The following ADGRV1 variants were observed in gnomAD, a reference collection of about 807,000 sequenced individuals.
ADGRV1 encodes the protein adhesion G protein-coupled receptor V1.
A neutral mutation model predicts 596.2 loss-of-function variants in ADGRV1; 359 were observed. The ratio of observed to expected loss-of-function variants is 0.60; its 90% confidence interval spans 0.55 to 0.66. ADGRV1 has a LOEUF of 0.66. Ranked by LOEUF, ADGRV1 falls within the 30% of genes least tolerant of loss-of-function variation. The pLI, the probability that ADGRV1 is intolerant of heterozygous loss-of-function variation, is 0.00. For synonymous variants in ADGRV1, 2,681 were observed against 2,679.2 expected (o/e 1.00, Z -0.02); for missense variants, 7,274 against 7,575.6 (o/e 0.96, Z 1.48).
At chr5:90,843,480 C>T (rs1765607775) in intron 78 of ADGRV1, among the ~76,000 whole-genome samples, 1 of 152,112 alleles carries the variant, frequency 6.6e-6, no homozygotes, top group Non-Finnish European at 1.5e-5. Flanking sequence ...TAGAGCTGAA[C>T]CTTATCCTAA....
chr5:90,987,983 C>T (rs935909937), intron 85 of ADGRV1, among the ~76,000 whole-genome samples: 6 of 152,110 alleles, frequency 3.9e-5, no homozygotes, highest in Admixed American at 1.3e-4. Flanking sequence ...CCAGATAATT[C>T]GCTGGCTTTC....
chr5:90,606,435 C>G lies in ADGRV1; in HGVS notation c.23-8400C>G, dbSNP rs1414909420. The stretch of plus-strand genomic sequence containing the variant: ...GGTAAAGCTATTCAAGATGGGCAAG[C>G]TCAATGTCCTGCAGGTGTTTTTGTT... On this transcript the variant is annotated intron_variant, in intron 1 of 89. Transcript: ENST00000405460. Among the ~76,000 whole-genome samples the G allele has an allele frequency of 2.0e-5, 3 of 152,158 alleles. No individual in the cohort carries two copies. In the East Asian group the frequency reaches 5.8e-4, roughly 29 times the overall value.
At chr5:90,962,298 T>C (rs751468380) in intron 83 of ADGRV1, among the ~76,000 whole-genome samples, 5 of 152,178 alleles carry the variant, frequency 3.3e-5, no homozygotes, top group Non-Finnish European at 7.4e-5. Flanking sequence ...GCACAATACT[T>C]TGTAGATAGA....
chr5:91,108,827 C>T (rs900986623), intron 87 of ADGRV1, among the ~76,000 whole-genome samples: 1 of 152,010 alleles, frequency 6.6e-6, no homozygotes, highest in African/African-American at 2.4e-5. Context: ...GAACTCCTGG[C>T]CTCGAGTGAT....
intron 84 of ADGRV1, among the ~76,000 whole-genome samples, chr5:90,981,779 A>C (rs990503096): frequency 6.6e-5 from 10 of 152,260 alleles, no homozygotes; most frequent in African/African-American, 2.4e-4. Context: ...AAAGTAAATC[A>C]TGTAAATGCA....
At chr5:90,936,552 T>C (rs1037204760) in intron 83 of ADGRV1, among the ~76,000 whole-genome samples, 12 of 152,008 alleles carry the variant, frequency 7.9e-5, no homozygotes, top group African/African-American at 2.7e-4. Context: ...TTATTCTAAT[T>C]AATATTTTAT....
intron 21 of ADGRV1, among the ~76,000 whole-genome samples, chr5:90,664,548 G>A (rs1770964599): frequency 7.5e-6 from 1 of 134,042 alleles, no homozygotes; most frequent in Admixed American, 8.1e-5. Context: ...ATACAATCAT[G>A]TCATCTGCAA....
chr5:91,097,794 G>C (rs1296152795), intron 86 of ADGRV1, among the ~76,000 whole-genome samples: 1 of 151,960 alleles, frequency 6.6e-6, no homozygotes, highest in African/African-American at 2.4e-5. Flanking sequence ...GTATCACGGT[G>C]GTTTTGATCT....
intron 85 of ADGRV1, among the ~76,000 whole-genome samples, chr5:90,999,326 T>C (rs781172878): frequency 2.6e-5 from 4 of 152,040 alleles, no homozygotes; most frequent in Non-Finnish European, 4.4e-5. Flanking sequence ...TCTACAATAA[T>C]AGTACAGTTA....
At chr5:90,871,864 A>G (rs181914012) in intron 83 of ADGRV1, among the ~76,000 whole-genome samples, 6 of 152,364 alleles carry the variant, frequency 3.9e-5, no homozygotes, top group Admixed American at 1.3e-4. Context: ...TACAGTGGAA[A>G]AAAAATCACT....
chr5:90,961,507 A>AGG (rs35919894), intron 83 of ADGRV1, among the ~76,000 whole-genome samples: 5,159 of 80,868 alleles, frequency 0.064, 438 homozygotes, highest in East Asian at 0.15. Flanking sequence ...AAAAAAAAAA[A>AGG]GGGGGGGTGG....
intron 83 of ADGRV1, among the ~76,000 whole-genome samples, chr5:90,883,876 G>T (rs1358785012): frequency 6.6e-6 from 1 of 152,130 alleles, no homozygotes; most frequent in Non-Finnish European, 1.5e-5. Context: ...GGGCCCCAGT[G>T]AGCTGGAAGG....
chr5:91,059,268 A>G (rs1787188772), intron 85 of ADGRV1, among the ~76,000 whole-genome samples: 1 of 152,150 alleles, frequency 6.6e-6, no homozygotes, highest in Non-Finnish European at 1.5e-5. Flanking sequence ...TGAGCTGTGG[A>G]GAAGCTACAT....
In ADGRV1 at chr5:90,899,800, A is replaced by T. The variant is rs374648021; in HGVS notation, c.17856+35943A>T. On this transcript the variant is annotated intron_variant, in intron 83 of 89. Transcript: ENST00000405460. ...CCATTCCTTCCACTCTTTCCACCTC[A>T]ATCTGTTCTACCTCACCTGAAGACT... is the stretch of plus-strand genomic sequence containing the variant. Among the ~76,000 whole-genome samples the T allele has an allele frequency of 5.3e-5, 8 of 152,038 alleles. No individual in the cohort carries two copies. The South Asian group carries it at 1.7e-3, about 32-fold the overall frequency.
rs901172394 is a variant in ADGRV1, at chr5:90,843,882, A to G, written c.17019+2897A>G. On this transcript the variant is annotated intron_variant, in intron 78 of 89. Coordinates refer to ENST00000405460, the MANE Select transcript of ADGRV1 (RefSeq NM_032119.4). ...ATGTATTTAAAAGTGCAAGAAATAC[A>G]TATTTTATATTTTAAGCATAGCAAT... Among the ~76,000 whole-genome samples the G allele has an allele frequency of 1.1e-4, 16 of 152,354 alleles. No individual in the cohort carries two copies. In the East Asian group the frequency reaches 1.9e-3, roughly 18 times the overall value.
intron 87 of ADGRV1, among the ~76,000 whole-genome samples, chr5:91,143,965 A>C (rs1234527355): frequency 6.6e-6 from 1 of 152,158 alleles, no homozygotes; most frequent in African/African-American, 2.4e-5. Flanking sequence ...GAGTGTGTGC[A>C]TGCCTGGCTG....
At chr5:90,770,556 T>C (rs1255096021) in intron 59 of ADGRV1, among the ~76,000 whole-genome samples, 1 of 152,216 alleles carries the variant, frequency 6.6e-6, no homozygotes, top group Non-Finnish European at 1.5e-5. Context: ...TCTGTTAGTC[T>C]TGGCCCTTTA....
chr5:90,596,553 A>C (rs34260190), intron 1 of ADGRV1, among the ~76,000 whole-genome samples: 30,581 of 151,642 alleles, frequency 0.2, 5,566 homozygotes, highest in African/African-American at 0.49. Flanking sequence ...CTCGGGAGGC[A>C]GAGGCTGGCG....
Position 90,627,293 on chromosome 5 carries a change from T to C in ADGRV1, c.755T>C (p.Ile252Thr). Residue 252 changes from isoleucine to threonine, a missense_variant, in exon 7 of 90, where the codon ATT (isoleucine) becomes ACT (threonine). Physicochemically the swap from Ile to Thr is moderately conservative, Grantham distance 89. This residue lies in a region of ADGRV1 where 1,715 missense variants were observed against 1,708.8 expected (regional missense o/e 1.00). Coordinates refer to ENST00000405460, the MANE Select transcript of ADGRV1 (RefSeq NM_032119.4). ...GAEINTSRNS[I>T]EIIIKKNDSP... The stretch of plus-strand genomic sequence containing the variant: ...GAGATTAACACCTCTAGGAATTCCA[T>C]TGAGATCATCATTAAGAAAAATGAT... 5 of 1,612,282 alleles carry C rather than the reference T, an allele frequency of 3.1e-6. No individual in the cohort carries two copies. Among genetic ancestry groups the C allele is most frequent in the Non-Finnish European group, 4.2e-6 (5 of 1,178,580 alleles).
Sources: gnomAD v4.1 joint callset for allele counts (sites outside exome capture counted in the v4.1 genomes callset) on GRCh38, gnomAD v4.1.1 for gene constraint, gnomAD v4.1.1 regional missense constraint, MANE v1.5 for transcripts, NCBI Gene and HGNC (gene_info 2026-07-23, HGNC 2026-07-21) for gene names.